Variants in FAM181A observed in about 807,000 individuals in gnomAD.
FAM181A encodes protein FAM181A.
Under a neutral mutation model 16.3 loss-of-function variants are expected in FAM181A, and 7 were observed. That is an observed-to-expected ratio of 0.43 (90% CI 0.24 to 0.81). FAM181A has a LOEUF of 0.81. Among genes scored for constraint, FAM181A ranks in the 30% least tolerant of loss-of-function variants. FAM181A has a pLI of 0.24. For synonymous variants in FAM181A, 183 were observed against 164.9 expected (o/e 1.11, Z -0.84); for missense variants, 349 against 377.5 (o/e 0.92, Z 0.63).
In FAM181A at chr14:93,927,385, C is replaced by T. The variant is rs1046769235; in HGVS notation, c.-157C>T. 76 of 1,143,596 alleles carry T rather than the reference C, an allele frequency of 6.6e-5. 1 individual carries two copies. In the South Asian group the frequency reaches 7.7e-4, roughly 12 times the overall value. The allele number at this position is 1,143,596 out of a possible 1,614,324, so 70.8% of individuals were successfully genotyped here. Reference sequence around the variant, plus strand: ...CCGGACGGAGCTCGGCCGGCTGCGCCGGGGCCTGTCCCAGGTCTGCAGTGG... The same window carrying T: ...CCGGACGGAGCTCGGCCGGCTGCGCTGGGGCCTGTCCCAGGTCTGCAGTGG... On this transcript the variant is annotated 5_prime_UTR_variant, in exon 1 of 2. Transcript: ENST00000556222.
rs1437338606 is a variant in FAM181A, at chr14:93,928,405, C to T, written c.120C>T (p.Tyr40=). 1 of 1,613,778 alleles carries T rather than the reference C, an allele frequency of 6.2e-7. No individual in the cohort carries two copies. Among genetic ancestry groups the T allele is most frequent in the Non-Finnish European group, 8.5e-7 (1 of 1,179,984 alleles). ...GCCGCTCCGTGGACCATCGCAAGTA[C>T]CTGCAGAAGCAGCTCAAGCGCTTCT... is the stretch of plus-strand genomic sequence containing the variant. ...PCRRSVDHRK[Y]LQKQLKRFSQ... is the part of the protein sequence containing the mutation. The change falls in exon 2 of 2, where the codon TAC becomes TAT. Residue 40 remains tyrosine, a synonymous_variant. Transcript: ENST00000556222.
chr14:93,926,561 G>A (rs1431095060), upstream of FAM181A, among the ~76,000 whole-genome samples: 1 of 152,238 alleles, frequency 6.6e-6, no homozygotes, highest in Non-Finnish European at 1.5e-5. The surrounding 1 kb of genome is among the most constrained non-coding windows in gnomAD (Gnocchi z 5.2). Context: ...AGGGGACCGT[G>A]CAACGCCAAC....
chr14:93,925,039 C>G (rs1595285327), upstream of FAM181A: 1 of 513,948 alleles, frequency 1.9e-6, no homozygotes, highest in East Asian at 3.5e-5. Flanking sequence ...TCTCTGTTTC[C>G]TCAAAAAGTG....
intron 1 of FAM181A, among the ~76,000 whole-genome samples, chr14:93,921,283 G>A (rs1318243000): frequency 2.6e-5 from 4 of 152,188 alleles, no homozygotes; most frequent in African/African-American, 7.2e-5. Flanking sequence ...CACTTCCAAC[G>A]TGGGACTTGA....
In FAM181A at chr14:93,927,366, G is replaced by A. The variant is rs941726613; in HGVS notation, c.-176G>A. ...GTTGCACAACTGCTTCCAGCCGGAC[G>A]GAGCTCGGCCGGCTGCGCCGGGGCC... On this transcript the variant is annotated 5_prime_UTR_variant, in exon 1 of 2. Transcript: ENST00000556222. The A allele has an allele frequency of 5.3e-6, 6 of 1,126,612 alleles. No homozygotes were observed. The highest frequency in any genetic ancestry group is 3.4e-5 in the African/African-American group (2 of 59,366). 69.8% of individuals were successfully genotyped at this position (1,126,612 alleles called of 1,614,324 possible).
chr14:93,927,507 C>T (rs1887955299), intron 1 of FAM181A, 53 bp downstream of exon 1: 2 of 1,272,398 alleles, frequency 1.6e-6, no homozygotes, highest in African/African-American at 1.5e-5. Context: ...GGTGTGGGGG[C>T]AGGCTGGGGC....
chr14:93,929,171 G>A lies in FAM181A; in HGVS notation c.*7G>A, dbSNP rs114210672. On this transcript the variant is annotated 3_prime_UTR_variant, in exon 2 of 2. Transcript: ENST00000556222. ...TGTCTTTGGCTACCTCTAGCCACGC[G>A]GAGAGGGCCTCAGCCCCCACCTCTG... 1.8e-3 allele frequency: 2,788 copies of A among 1,512,246 alleles called. 41 individuals are homozygous for A. In the African/African-American group the frequency reaches 0.034, roughly 19 times the overall value. 93.7% of individuals were successfully genotyped at this position (1,512,246 alleles called of 1,614,324 possible).
In FAM181A at chr14:93,929,212, G is replaced by C; in HGVS notation, c.*48G>C. The C allele has an allele frequency of 2.0e-6, 3 of 1,499,466 alleles. No individual in the cohort carries two copies. Among genetic ancestry groups the C allele is most frequent in the Non-Finnish European group, 2.7e-6 (3 of 1,130,216 alleles). 92.9% of individuals were successfully genotyped at this position (1,499,466 alleles called of 1,614,324 possible). ...CCCACCTCTGGCCTGCAGGAGTGTCGAGGTCCCCGAGGCGCTCTCCTGTGA... is the reference window on the plus strand; with the variant it reads ...CCCACCTCTGGCCTGCAGGAGTGTCCAGGTCCCCGAGGCGCTCTCCTGTGA... On this transcript the variant is annotated 3_prime_UTR_variant, in exon 2 of 2. Transcript: ENST00000556222.
Position 93,929,119 on chromosome 14 carries a change from G to A in FAM181A, c.834G>A (p.Lys278=), listed in dbSNP as rs1028028096. ...TGGTGCTGAAACCCATCCCCACCAA[G>A]CCAGCCGTGCCCCCACCCATCTTCA... The part of the protein sequence containing the change: ...RPVVLKPIPT[K]PAVPPPIFNV... Residue 278 remains lysine, a synonymous_variant, in exon 2 of 2, where the codon AAG becomes AAA. Transcript: ENST00000556222. 3 of 1,526,458 alleles carry A rather than the reference G, an allele frequency of 2.0e-6. No individual in the cohort carries two copies. The highest frequency in any genetic ancestry group is 2.6e-6 in the Non-Finnish European group (3 of 1,138,260). The allele number at this position is 1,526,458 out of a possible 1,614,324, so 94.6% of individuals were successfully genotyped here.
At chr14:93,926,136 G>T, upstream of FAM181A, 1 of 153,310 alleles carries the variant, frequency 6.5e-6, no homozygotes, top group Non-Finnish European at 1.5e-5. The surrounding 1 kb of genome is among the most constrained non-coding windows in gnomAD (Gnocchi z 5.2). Context: ...AGAAAAGGAA[G>T]GGGAAGGAGA....
upstream of FAM181A, among the ~76,000 whole-genome samples, chr14:93,922,577 C>A (rs745930222): frequency 2.6e-5 from 4 of 152,282 alleles, no homozygotes; most frequent in Non-Finnish European, 4.4e-5. Flanking sequence ...GTAATCCCAG[C>A]TACTCAGGAG....
Position 93,929,056 on chromosome 14 carries a change from G to A in FAM181A, c.771G>A (p.Lys257=). The A allele has an allele frequency of 6.3e-7, 1 of 1,591,562 alleles. No homozygotes were observed. The highest frequency in any genetic ancestry group is 8.6e-7 in the Non-Finnish European group (1 of 1,167,826). Residue 257 remains lysine, a synonymous_variant, in exon 2 of 2, where the codon AAG becomes AAA. Coordinates refer to ENST00000556222, the MANE Select transcript of FAM181A (RefSeq NM_001207073.2). ...CCGGGGAGCTGGCGCACCTCTGCAA[G>A]GATGTGGACGGCCTGGGGCAGAAGG... The part of the protein sequence containing the change: ...AFPGELAHLC[K]DVDGLGQKVC...
Position 93,929,489 on chromosome 14 carries a change from C to A in FAM181A, c.*325C>A, listed in dbSNP as rs1888071312. 2.9e-6 allele frequency: 1 copy of A among 350,154 alleles called. No homozygotes were observed. The highest frequency in any genetic ancestry group is 4.4e-5 in the Admixed American group (1 of 22,704). 21.7% of individuals were successfully genotyped at this position (350,154 alleles called of 1,614,324 possible). On this transcript the variant is annotated 3_prime_UTR_variant, in exon 2 of 2. Coordinates refer to ENST00000556222, the MANE Select transcript of FAM181A (RefSeq NM_001207073.2). ...AGTCACCCCAGAAGCCAGAGAGACG[C>A]ATCTGTTTACCTGCCACCCACTCTG...
At chr14:93,927,621 C>T (rs1249049228) in intron 1 of FAM181A, 167 bp downstream of exon 1, 8 of 1,285,978 alleles carry the variant, frequency 6.2e-6, no homozygotes, top group African/African-American at 1.5e-5. Context: ...GAGATCAGCC[C>T]GCAAGGCAGG....
Position 93,928,864 on chromosome 14 carries a change from A to G in FAM181A, c.579A>G (p.Glu193=), listed in dbSNP as rs1888038213. ...CCATGTCTCCAAGGGCCCTGGCTGA[A>G]AAGGAGCCGCTCAAGATGCCTGGGG... ...LVSMSPRALA[E]KEPLKMPGVS... Residue 193 remains glutamate (E), a synonymous_variant, in exon 2 of 2, where the codon GAA becomes GAG. Coordinates refer to ENST00000556222, the MANE Select transcript of FAM181A (RefSeq NM_001207073.2). 6.2e-7 allele frequency: 1 copy of G among 1,614,080 alleles called. No individual in the cohort carries two copies. The highest frequency in any genetic ancestry group is 8.5e-7 in the Non-Finnish European group (1 of 1,179,986).
chr14:93,922,935 C>T (rs1192210808), upstream of FAM181A, among the ~76,000 whole-genome samples: 1 of 152,098 alleles, frequency 6.6e-6, no homozygotes, highest in Non-Finnish European at 1.5e-5. Flanking sequence ...TAAATTTGTA[C>T]TCATAGCCCA....
upstream of FAM181A, chr14:93,925,018 C>G: frequency 2.0e-6 from 1 of 509,144 alleles, no homozygotes; most frequent in East Asian, 3.6e-5. Context: ...TCTCTTCCCT[C>G]TTTTCTTCCT....
At chr14:93,919,562 T>C (rs927430212) in intron 1 of FAM181A, among the ~76,000 whole-genome samples, 2 of 152,224 alleles carry the variant, frequency 1.3e-5, no homozygotes, top group Non-Finnish European at 2.9e-5. Flanking sequence ...GCTGTTGGCA[T>C]GGATTTCGTA....
upstream of FAM181A, chr14:93,925,317 GC>G: frequency 6.2e-7 from 1 of 1,613,658 alleles, no homozygotes; most frequent in Non-Finnish European, 8.5e-7. Flanking sequence ...GAATGATGCA[GC>G]CCCCACAAAT....
Sources: allele counts gnomAD v4.1 joint callset (sites outside exome capture counted in the v4.1 genomes callset), GRCh38; gene constraint gnomAD v4.1.1; non-coding constraint Gnocchi (gnomAD v3.1); transcripts MANE v1.5; gene names NCBI Gene and HGNC (gene_info 2026-07-23, HGNC 2026-07-21).